The following PEBP4 variants were observed in gnomAD, a reference collection of about 807,000 sequenced individuals.
PEBP4 encodes phosphatidylethanolamine-binding protein 4.
PEBP4 carries 22 observed loss-of-function variants against 23.9 expected under a neutral mutation model. The ratio of observed to expected loss-of-function variants is 0.92; its 90% CI spans 0.66 to 1.31. The LOEUF (loss-of-function observed/expected upper bound fraction) is 1.31. PEBP4 is among the 40% of genes most tolerant of loss of function. The pLI, the probability that PEBP4 is intolerant of heterozygous loss-of-function variation, is 0.00. For missense variants in PEBP4, 324 were observed against 281.7 expected, an observed-to-expected ratio of 1.15 and a Z score of -1.07; for synonymous variants, 112 against 99.3, an observed-to-expected ratio of 1.13 and a Z score of -0.76.
At chr8:22,923,071 T>A (rs1302213853) in intron 2 of PEBP4, among the ~76,000 whole-genome samples, 1 of 152,226 alleles carries the variant, frequency 6.6e-6, no homozygotes, top group African/African-American at 2.4e-5. Context: ...TATCTCCAGA[T>A]GAGTAACTGA....
At chr8:22,925,383 G>A in intron 2 of PEBP4, 1 of 943,850 alleles carries the variant, frequency 1.1e-6, no homozygotes, top group Non-Finnish European at 1.3e-6. Flanking sequence ...CGTGAGTGTG[G>A]AGTCAGACAA....
intron 4 of PEBP4, among the ~76,000 whole-genome samples, chr8:22,810,077 C>T (rs770033550): frequency 1.6e-4 from 24 of 152,364 alleles, no homozygotes; most frequent in East Asian, 1.3e-3. Flanking sequence ...GAAAACTTCC[C>T]CCACTGGTCC....
At chr8:22,801,002 C>A (rs911099662) in intron 4 of PEBP4, among the ~76,000 whole-genome samples, 1 of 152,092 alleles carries the variant, frequency 6.6e-6, no homozygotes, top group Non-Finnish European at 1.5e-5. Context: ...CCACTCCACA[C>A]CCTCCCTGCC....
intron 3 of PEBP4, among the ~76,000 whole-genome samples, chr8:22,867,140 C>G (rs200955923): frequency 6.6e-6 from 1 of 152,164 alleles, no homozygotes; most frequent in Admixed American, 6.5e-5. Flanking sequence ...CTGCCCTTTC[C>G]CTTGAAGACC....
chr8:22,788,909 G>A (rs1489704907), intron 4 of PEBP4, among the ~76,000 whole-genome samples: 1 of 152,194 alleles, frequency 6.6e-6, no homozygotes, highest in Non-Finnish European at 1.5e-5. Context: ...TCCAATAGTA[G>A]AGGATTGGCT....
At chr8:22,910,986 A>C (rs1808926752) in intron 3 of PEBP4, among the ~76,000 whole-genome samples, 2 of 152,080 alleles carry the variant, frequency 1.3e-5, no homozygotes, top group African/African-American at 4.8e-5. Context: ...TGAGTAGAAC[A>C]AATGCACCGC....
intron 1 of PEBP4, among the ~76,000 whole-genome samples, chr8:22,934,171 A>G (rs1809502549): frequency 6.6e-6 from 1 of 152,218 alleles, no homozygotes; most frequent in Non-Finnish European, 1.5e-5. Context: ...AATATTGGGG[A>G]TCAAATTTCA....
chr8:22,751,577 G>A (rs1010346020), intron 4 of PEBP4, among the ~76,000 whole-genome samples: 5 of 151,640 alleles, frequency 3.3e-5, no homozygotes, highest in African/African-American at 1.2e-4. Flanking sequence ...CTTGGATAAG[G>A]AGGAGTGTGT....
chr8:22,898,853 C>A (rs182419792), intron 3 of PEBP4, among the ~76,000 whole-genome samples: 1 of 152,150 alleles, frequency 6.6e-6, no homozygotes, highest in African/African-American at 2.4e-5. Flanking sequence ...CTGAGGAGGC[C>A]CCCTTACTGC....
chr8:22,878,645 G>A (rs923975799), intron 3 of PEBP4, among the ~76,000 whole-genome samples: 13 of 152,116 alleles, frequency 8.5e-5, no homozygotes, highest in African/African-American at 2.9e-4. Flanking sequence ...ATGCTCACTC[G>A]GACTCTGCTA....
chr8:22,872,578 T>C (rs1808027658), intron 3 of PEBP4, among the ~76,000 whole-genome samples: 1 of 152,240 alleles, frequency 6.6e-6, no homozygotes, highest in Non-Finnish European at 1.5e-5. Flanking sequence ...AGAAAAGTGA[T>C]CTTTCCAATA....
At chr8:22,791,580 G>A (rs964621096) in intron 4 of PEBP4, among the ~76,000 whole-genome samples, 9 of 151,828 alleles carry the variant, frequency 5.9e-5, no homozygotes, top group African/African-American at 1.2e-4. Flanking sequence ...GCGCGCACAC[G>A]CATGCACATT....
chr8:22,885,538 T>G (rs898029967), intron 3 of PEBP4: 1 of 152,146 alleles, frequency 6.6e-6, no homozygotes, highest in East Asian at 1.9e-4. Context: ...TCCGAGTATG[T>G]GAGGGAGCTG....
intron 3 of PEBP4, among the ~76,000 whole-genome samples, chr8:22,859,470 G>A (rs904480109): frequency 3.9e-5 from 6 of 152,158 alleles, no homozygotes; most frequent in African/African-American, 7.2e-5. Context: ...AAGTGTCCAG[G>A]TGCAGTGGGC....
chr8:22,731,593 T>C (rs1256120146), intron 4 of PEBP4, among the ~76,000 whole-genome samples: 1 of 146,890 alleles, frequency 6.8e-6, no homozygotes, highest in Non-Finnish European at 1.5e-5. Flanking sequence ...TTGTTGGGGG[T>C]GGCACCCATA....
intron 4 of PEBP4, among the ~76,000 whole-genome samples, chr8:22,731,334 G>A (rs1446928701): frequency 1.3e-5 from 2 of 152,162 alleles, no homozygotes; most frequent in African/African-American, 4.8e-5. Flanking sequence ...ATGTGAAGAT[G>A]ATGAGGATGG....
At chr8:22,862,337 C>T (rs1294665513) in intron 3 of PEBP4, among the ~76,000 whole-genome samples, 3 of 152,146 alleles carry the variant, frequency 2.0e-5, no homozygotes, top group Non-Finnish European at 2.9e-5. Flanking sequence ...AGGAGTATCT[C>T]GTCTGCATAA....
chr8:22,785,068 C>T (rs1806001586), intron 4 of PEBP4, among the ~76,000 whole-genome samples: 1 of 152,192 alleles, frequency 6.6e-6, no homozygotes, highest in Admixed American at 6.5e-5. Context: ...GAACACTTTG[C>T]CGCCCACTCT....
At chr8:22,904,428 A>C (rs1174271634) in intron 3 of PEBP4, among the ~76,000 whole-genome samples, 1 of 152,214 alleles carries the variant, frequency 6.6e-6, no homozygotes, top group Non-Finnish European at 1.5e-5. Flanking sequence ...AAGTTGGGCA[A>C]TTCAAAGTTA....
Sources: allele counts gnomAD v4.1 joint callset (sites outside exome capture counted in the v4.1 genomes callset), GRCh38; gene constraint gnomAD v4.1.1; transcripts MANE v1.5; gene names NCBI Gene and HGNC (gene_info 2026-07-23, HGNC 2026-07-21).